IGF1: variants seen among roughly 807,000 people sequenced by gnomAD.
IGF1 encodes the protein insulin like growth factor 1.
A neutral mutation model predicts 13.8 loss-of-function variants in IGF1; 4 were observed. That is an observed-to-expected ratio of 0.29 (90% CI 0.14 to 0.66). IGF1 has a LOEUF of 0.66. IGF1 is among the 30% of genes least tolerant of loss of function. The probability of loss-of-function intolerance (pLI) is 0.78; values close to 1 mark genes in which losing one functional copy is unlikely to be tolerated. For missense variants in IGF1, 124 were observed against 188.5 expected (o/e 0.66, Z 2.00); for synonymous variants, 76 against 72.6 (o/e 1.05, Z -0.23).
At position 102,396,788 on chromosome 12, in the gene IGF1, C is replaced by CTT. The variant is rs200146786; in HGVS notation, c.*5717_*5718dup. ...AGTAACATTTGGTTTTGTGTCCTCT[C>CTT]TTTTTTTTTTTTTACTTTAAAAAAG... On this transcript the variant is annotated 3_prime_UTR_variant, in exon 4 of 4. Coordinates refer to ENST00000337514, the MANE Select transcript of IGF1 (RefSeq NM_000618.5). 1.5e-4 allele frequency: 58 copies of CTT among 378,362 alleles called. No homozygotes were observed. Among genetic ancestry groups the CTT allele is most frequent in the East Asian group, 7.4e-4 (20 of 27,006 alleles). 23.4% of individuals were successfully genotyped at this position (378,362 alleles called of 1,614,324 possible). A position where few individuals can be genotyped will look rare whatever the true frequency, so the allele number is the denominator to read the frequency against.
chr12:102,428,852 T>C (rs558453325), intron 2 of IGF1, among the ~76,000 whole-genome samples: 2 of 152,358 alleles, frequency 1.3e-5, no homozygotes, highest in East Asian at 3.9e-4. Context: ...TATTCACTTA[T>C]TTTCAGGTGG....
chr12:102,437,926 C>T (rs978381208), intron 2 of IGF1, among the ~76,000 whole-genome samples: 4 of 152,144 alleles, frequency 2.6e-5, no homozygotes, highest in African/African-American at 4.8e-5. Flanking sequence ...AGCAAGCATA[C>T]AAACCAAAAC....
chr12:102,467,549 G>A (rs971221640), intron 2 of IGF1, among the ~76,000 whole-genome samples: 1 of 152,164 alleles, frequency 6.6e-6, no homozygotes, highest in Non-Finnish European at 1.5e-5. Flanking sequence ...TTAAGTGGAC[G>A]GAATGCCCAA....
intron 2 of IGF1, among the ~76,000 whole-genome samples, chr12:102,465,018 C>A (rs961004746): frequency 1.3e-5 from 2 of 152,162 alleles, no homozygotes; most frequent in Non-Finnish European, 2.9e-5. Context: ...CTCTTTGCTG[C>A]TTCTTCCAAT....
chr12:102,429,506 T>A (rs1040515469), intron 2 of IGF1, among the ~76,000 whole-genome samples: 2 of 152,188 alleles, frequency 1.3e-5, no homozygotes, highest in Non-Finnish European at 2.9e-5. Flanking sequence ...AGAAATGAAC[T>A]ATGAATAAGG....
chr12:102,406,458 T>C (rs1324056895), intron 3 of IGF1, among the ~76,000 whole-genome samples: 1 of 152,202 alleles, frequency 6.6e-6, no homozygotes, highest in Non-Finnish European at 1.5e-5. Context: ...CTGTTTCTAG[T>C]ATGCAACTAG....
chr12:102,447,210 C>T (rs879688304), intron 2 of IGF1, among the ~76,000 whole-genome samples: 6 of 152,058 alleles, frequency 3.9e-5, no homozygotes, highest in South Asian at 2.1e-4. Flanking sequence ...TGTTGATTTG[C>T]GGTGGAGAGT....
chr12:102,423,079 T>C (rs1472575021), intron 2 of IGF1: 1 of 152,122 alleles, frequency 6.6e-6, no homozygotes, highest in East Asian at 1.9e-4. Flanking sequence ...AGACATTCTA[T>C]AACAAGTGAA....
rs1873522396 is a variant in IGF1 at position 102,399,734 on chromosome 12, A to G, written c.*2773T>C. ...TTTTGACTGTGGATAGAATTAAGTG[A>G]AGGAAATAAGTCATAGACACTCTTA... On this transcript the variant is annotated 3_prime_UTR_variant, in exon 4 of 4. Coordinates refer to ENST00000337514, the MANE Select transcript of IGF1 (RefSeq NM_000618.5). 1 of 152,172 alleles carries G rather than the reference A, an allele frequency of 6.6e-6. No individual in the cohort carries two copies. Among genetic ancestry groups the G allele is most frequent in the African/African-American group, 2.4e-5 (1 of 41,456 alleles). 9.4% of individuals were successfully genotyped at this position (152,172 alleles called of 1,614,324 possible).
At chr12:102,471,642 A>G (rs1880696499) in intron 2 of IGF1, among the ~76,000 whole-genome samples, 1 of 152,216 alleles carries the variant, frequency 6.6e-6, no homozygotes. Flanking sequence ...AAAGCTATAA[A>G]TCCTGAAGAG....
chr12:102,425,973 C>T (rs1323870947), intron 2 of IGF1, among the ~76,000 whole-genome samples: 1 of 152,120 alleles, frequency 6.6e-6, no homozygotes, highest in African/African-American at 2.4e-5. Context: ...TTATCAACGT[C>T]TAAGGTGAAA....
At chr12:102,452,718 C>T (rs1171007250) in intron 2 of IGF1, among the ~76,000 whole-genome samples, 3 of 152,180 alleles carry the variant, frequency 2.0e-5, no homozygotes, top group Non-Finnish European at 4.4e-5. Flanking sequence ...ATAAGACATT[C>T]TCTTCTTATT....
In IGF1 at chr12:102,396,016, T is replaced by A. The variant is rs185762473; in HGVS notation, c.*6491A>T. 15 of 152,334 alleles carry A rather than the reference T, an allele frequency of 9.8e-5. No homozygotes were observed. In the East Asian group the frequency reaches 2.9e-3, roughly 29 times the overall value. The allele number at this position is 152,334 out of a possible 1,614,324, so 9.4% of individuals were successfully genotyped here. ...ATTCAATTAGTTACATTTTTAGAAG[T>A]CATTAGGATTGATATTCCTCTGCCA... is the stretch of plus-strand genomic sequence containing the variant. On this transcript the variant is annotated 3_prime_UTR_variant, in exon 4 of 4. Transcript: ENST00000337514.
intron 2 of IGF1, among the ~76,000 whole-genome samples, chr12:102,450,736 T>C (rs985470805): frequency 6.6e-6 from 1 of 152,246 alleles, no homozygotes; most frequent in South Asian, 2.1e-4. Flanking sequence ...TGTTTGTCAA[T>C]ACAATAATAT....
At chr12:102,432,477 T>C (rs1876822089) in intron 2 of IGF1, among the ~76,000 whole-genome samples, 1 of 152,140 alleles carries the variant, frequency 6.6e-6, no homozygotes, top group African/African-American at 2.4e-5. Flanking sequence ...AGCCCACAAT[T>C]TTGCATAAGG....
chr12:102,417,583 C>A, intron 3 of IGF1: 9 of 1,155,518 alleles, frequency 7.8e-6, no homozygotes, highest in Non-Finnish European at 7.4e-6. Flanking sequence ...TTTTTTTTTT[C>A]ATTTTTGCCA....
intron 2 of IGF1, among the ~76,000 whole-genome samples, chr12:102,450,866 T>C (rs1592801326): frequency 1.3e-5 from 2 of 152,328 alleles, no homozygotes; most frequent in South Asian, 2.1e-4. Flanking sequence ...CCTCTGTTAA[T>C]TGAAGATAGG....
chr12:102,453,776 A>G (rs535792134), intron 2 of IGF1, among the ~76,000 whole-genome samples: 5 of 152,224 alleles, frequency 3.3e-5, no homozygotes, highest in African/African-American at 9.6e-5. Flanking sequence ...GTCAGGTACC[A>G]TGCGTGCTTG....
intron 2 of IGF1, among the ~76,000 whole-genome samples, chr12:102,471,696 C>T (rs143817633): frequency 8.5e-4 from 130 of 152,244 alleles, no homozygotes; most frequent in African/African-American, 3.0e-3. Flanking sequence ...ATTTACTTCT[C>T]CATTTCCCCA....
Sources: allele counts gnomAD v4.1 joint callset (sites outside exome capture counted in the v4.1 genomes callset), GRCh38; gene constraint gnomAD v4.1.1; transcripts MANE v1.5; gene names NCBI Gene and HGNC (gene_info 2026-07-23, HGNC 2026-07-21).